IQGAP1: variants seen among roughly 807,000 people sequenced by gnomAD.
IQGAP1 encodes ras GTPase-activating-like protein IQGAP1.
IQGAP1 carries 66 observed loss-of-function variants against 215.6 expected under a neutral mutation model. That is an observed-to-expected ratio of 0.31 (90% CI 0.25 to 0.38). IQGAP1 has a LOEUF of 0.38. Ranked by LOEUF, IQGAP1 falls within the 10% of genes least tolerant of loss-of-function variation. The pLI is 1.00. For missense variants in IQGAP1, 1,712 were observed against 1,997.1 expected (o/e 0.86, Z 2.72); for synonymous variants, 772 against 728.7 (o/e 1.06, Z -0.96).
At chr15:90,416,727 G>A (rs1489172963) in intron 2 of IQGAP1, among the ~76,000 whole-genome samples, 3 of 152,076 alleles carry the variant, frequency 2.0e-5, no homozygotes, top group South Asian at 2.1e-4. Context: ...ACAGGTGCCC[G>A]CCACCACGCC....
intron 13 of IQGAP1, 36 bp downstream of exon 13, chr15:90,453,328 G>T (rs758844876): frequency 1.3e-6 from 2 of 1,527,238 alleles, no homozygotes; most frequent in Non-Finnish European, 1.8e-6. Context: ...AATCCATTAC[G>T]TAGCTGTTAA....
chr15:90,413,785 C>A (rs939086398), intron 2 of IQGAP1, among the ~76,000 whole-genome samples: 1 of 152,176 alleles, frequency 6.6e-6, no homozygotes, highest in African/African-American at 2.4e-5. Context: ...TTAATCCTTA[C>A]AACAACCTTA....
intron 15 of IQGAP1, among the ~76,000 whole-genome samples, chr15:90,463,333 C>T (rs866276963): frequency 6.6e-6 from 1 of 152,236 alleles, no homozygotes; most frequent in Non-Finnish European, 1.5e-5. Context: ...TTGCTTACAG[C>T]AGATTCTGCT....
chr15:90,443,099 C>T (rs1424608913), intron 8 of IQGAP1, among the ~76,000 whole-genome samples: 1 of 152,150 alleles, frequency 6.6e-6, no homozygotes, highest in Non-Finnish European at 1.5e-5. Context: ...GCTGGGACTA[C>T]AGGCATGTGC....
chr15:90,480,147 A>G (rs1276033283), intron 26 of IQGAP1, among the ~76,000 whole-genome samples: 1 of 151,576 alleles, frequency 6.6e-6, no homozygotes, highest in Non-Finnish European at 1.5e-5. Context: ...CCAGTTGCTC[A>G]GGAGGCCAAG....
intron 26 of IQGAP1, among the ~76,000 whole-genome samples, chr15:90,478,141 G>A (rs1966006871): frequency 6.6e-6 from 1 of 151,942 alleles, no homozygotes. Flanking sequence ...ACAGTTGCAC[G>A]CTACCACACC....
At chr15:90,474,772 G>A (rs1965954402) in intron 23 of IQGAP1, 79 bp downstream of exon 23, 1 of 1,140,822 alleles carries the variant, frequency 8.8e-7, no homozygotes, top group Non-Finnish European at 1.3e-6. Flanking sequence ...CTGACTGGTG[G>A]GGAGGGTGGA....
chr15:90,495,092 A>C (rs1966253773), intron 36 of IQGAP1, among the ~76,000 whole-genome samples: 1 of 152,226 alleles, frequency 6.6e-6, no homozygotes, highest in Non-Finnish European at 1.5e-5. Context: ...TTCCTCATTA[A>C]AGCAGGAAGC....
intron 11 of IQGAP1, 66 bp downstream of exon 11, chr15:90,449,709 T>C (rs980182182): frequency 1.4e-5 from 19 of 1,329,802 alleles, no homozygotes; most frequent in Non-Finnish European, 1.9e-5. Flanking sequence ...GGTCTGAGGT[T>C]AGCTTCTGTC....
intron 2 of IQGAP1, among the ~76,000 whole-genome samples, chr15:90,405,165 TAGC>T (rs1964860046): frequency 6.6e-6 from 1 of 152,202 alleles, no homozygotes; most frequent in Non-Finnish European, 1.5e-5. Context: ...TTTTGAGTCT[TAGC>T]AGTGTCTTAG....
Position 90,448,039 on chromosome 15 carries a change from A to G in IQGAP1, c.914-534A>G, listed in dbSNP as rs183707697. Among the ~76,000 whole-genome samples, 143 of 152,298 alleles carry G rather than the reference A, an allele frequency of 9.4e-4. 1 individual carries two copies. The East Asian group carries it at 0.017, about 19-fold the overall frequency. On this transcript the variant is annotated intron_variant, in intron 9 of 37. Transcript: ENST00000268182. ...AGAGGATTCAAAATGGTGCTATGTA[A>G]GACATGGTTAAAGGAAATAAGGCTG...
At chr15:90,416,357 G>A (rs8025048) in intron 2 of IQGAP1, among the ~76,000 whole-genome samples, 32,596 of 152,092 alleles carry the variant, frequency 0.21, 4,775 homozygotes, top group African/African-American at 0.42. Context: ...TGGTGCTGCA[G>A]TAAACATACG....
At chr15:90,449,281 G>A (rs1965568349) in intron 10 of IQGAP1, among the ~76,000 whole-genome samples, 1 of 152,070 alleles carries the variant, frequency 6.6e-6, no homozygotes, top group African/African-American at 2.4e-5. Context: ...GCATTAACGT[G>A]CTTAAGATTC....
At chr15:90,397,454 A>AT (rs1964738265) in intron 2 of IQGAP1, among the ~76,000 whole-genome samples, 1 of 150,404 alleles carries the variant, frequency 6.6e-6, no homozygotes, top group Non-Finnish European at 1.5e-5. Flanking sequence ...CATCTTACAG[A>AT]GCTGCTGTGA....
At chr15:90,477,010 A>G in intron 24 of IQGAP1, 57 bp from the exon 25 acceptor site, 1 of 1,511,490 alleles carries the variant, frequency 6.6e-7, no homozygotes, top group Non-Finnish European at 9.1e-7. Context: ...ATAATTGAAT[A>G]TATCTTGCCA....
At chr15:90,411,906 G>A (rs1233957764) in intron 2 of IQGAP1, among the ~76,000 whole-genome samples, 1 of 152,026 alleles carries the variant, frequency 6.6e-6, no homozygotes, top group Non-Finnish European at 1.5e-5. Context: ...TTAAACAAAC[G>A]AAAAACTTTA....
At chr15:90,409,021 A>G (rs1053595214) in intron 2 of IQGAP1, among the ~76,000 whole-genome samples, 3 of 151,972 alleles carry the variant, frequency 2.0e-5, no homozygotes, top group Non-Finnish European at 2.9e-5. Flanking sequence ...CTAACACTTA[A>G]CCTTCTATGT....
chr15:90,415,817 T>A (rs1965039040), intron 2 of IQGAP1, among the ~76,000 whole-genome samples: 1 of 152,220 alleles, frequency 6.6e-6, no homozygotes, highest in Admixed American at 6.5e-5. Flanking sequence ...CCCTTGAATC[T>A]GTCGTCCATG....
At chr15:90,424,821 AGAGT>A (rs548392562) in intron 2 of IQGAP1, among the ~76,000 whole-genome samples, 12 of 152,136 alleles carry the variant, frequency 7.9e-5, no homozygotes, top group African/African-American at 2.9e-4. Flanking sequence ...CCTGGGCAAC[AGAGT>A]GAGACTCCAA....
Sources: gnomAD v4.1 joint callset for allele counts (sites outside exome capture counted in the v4.1 genomes callset) on GRCh38, gnomAD v4.1.1 for gene constraint, MANE v1.5 for transcripts, NCBI Gene and HGNC (gene_info 2026-07-23, HGNC 2026-07-21) for gene names.